METTL2A: variants seen among roughly 807,000 people sequenced by gnomAD.
The protein encoded by METTL2A is methyltransferase 2A, tRNA N3-cytidine, also known as tRNA N(3)-cytidine methyltransferase METTL2A.
Under a neutral mutation model 49.4 loss-of-function variants are expected in METTL2A, and 45 were observed. The ratio of observed to expected loss-of-function variants is 0.91; its 90% CI spans 0.72 to 1.17. The LOEUF is 1.17. METTL2A is among the 50% of genes most tolerant of loss of function. The pLI is 0.00. For missense variants in METTL2A, 361 were observed against 462.2 expected, an observed-to-expected ratio of 0.78 and a Z score of 2.01; for synonymous variants, 118 against 167.5, an observed-to-expected ratio of 0.70 and a Z score of 2.28.
chr17:62,425,650 G>A (rs941835743), intron 2 of METTL2A, among the ~76,000 whole-genome samples: 5 of 147,596 alleles, frequency 3.4e-5, no homozygotes, highest in African/African-American at 1.2e-4. Context: ...CTCCCAAAGT[G>A]CTGGGATTAC....
At position 62,440,774 on chromosome 17, in the gene METTL2A, G is replaced by C. The variant is rs769299234; in HGVS notation, c.809+18G>C. 5 of 1,477,262 alleles carry C rather than the reference G, an allele frequency of 3.4e-6. No homozygotes were observed. The East Asian group carries it at 9.1e-5, about 27-fold the overall frequency. The allele number at this position is 1,477,262 out of a possible 1,614,324, so 91.5% of individuals were successfully genotyped here. A position where few individuals can be genotyped will look rare whatever the true frequency, so the allele number is the denominator to read the frequency against. ...CCAGACAAGTAAGTTTGGGTCCCTT[G>C]GCTGGTAGTGTCACAAAAAGGAAGC... On this transcript the variant is annotated intron_variant, in intron 6 of 8. Transcript: ENST00000311506.
chr17:62,433,380 C>T (rs1341579543), intron 4 of METTL2A, among the ~76,000 whole-genome samples: 3 of 151,602 alleles, frequency 2.0e-5, no homozygotes, highest in Admixed American at 6.6e-5. Flanking sequence ...TTGCAGTGAG[C>T]TGAGACCACA....
At chr17:62,433,985 C>T (rs1375876870) in intron 4 of METTL2A, among the ~76,000 whole-genome samples, 1 of 152,074 alleles carries the variant, frequency 6.6e-6, no homozygotes, top group African/African-American at 2.4e-5. Flanking sequence ...TCACTTGAAC[C>T]CAGGAGGCAA....
At chr17:62,430,700 A>C (rs561647780) in intron 4 of METTL2A, among the ~76,000 whole-genome samples, 40 of 152,096 alleles carry the variant, frequency 2.6e-4, no homozygotes, top group African/African-American at 9.4e-4. Flanking sequence ...GTCTTTTTTG[A>C]GACAGTCTCA....
chr17:62,442,819 C>A (rs1460909907), intron 6 of METTL2A, among the ~76,000 whole-genome samples: 1 of 152,130 alleles, frequency 6.6e-6, no homozygotes, highest in Admixed American at 6.6e-5. Context: ...TGTTAAAGGT[C>A]AAGGTAAGCT....
rs1484640403 is a variant in METTL2A, at chr17:62,449,171, T to C, written c.*442T>C. 1.2e-5 allele frequency: 3 copies of C among 248,918 alleles called. No individual in the cohort carries two copies. The highest frequency in any genetic ancestry group is 5.3e-5 in the Admixed American group (1 of 18,976). The allele number at this position is 248,918 out of a possible 1,614,324, so 15.4% of individuals were successfully genotyped here. On this transcript the variant is annotated 3_prime_UTR_variant, in exon 9 of 9. Coordinates refer to ENST00000311506, the MANE Select transcript of METTL2A (RefSeq NM_181725.4). ...ACCTTAAACCACCAATTTATTTCCATGTGAAAAAGTGTTACATATGACAAG... is the reference window on the plus strand; with the variant it reads ...ACCTTAAACCACCAATTTATTTCCACGTGAAAAAGTGTTACATATGACAAG...
At position 62,451,589 on chromosome 17, in the gene METTL2A, C is replaced by T. The variant is rs949619742; in HGVS notation, c.*2860C>T. On this transcript the variant is annotated 3_prime_UTR_variant, in exon 9 of 9. Coordinates refer to ENST00000311506, the MANE Select transcript of METTL2A (RefSeq NM_181725.4). ...ACCAGCCTGGCCAACTTAATGAAAC[C>T]CCATCACTGCTAACAATACAGACCT... Among the ~76,000 whole-genome samples, 4 of 151,572 alleles carry T rather than the reference C, an allele frequency of 2.6e-5. No individual in the cohort carries two copies. The highest frequency in any genetic ancestry group is 4.8e-5 in the African/African-American group (2 of 41,310).
At chr17:62,432,518 C>T (rs895855221) in intron 4 of METTL2A, among the ~76,000 whole-genome samples, 5 of 151,830 alleles carry the variant, frequency 3.3e-5, no homozygotes, top group Non-Finnish European at 5.9e-5. Context: ...AAAAATTAGC[C>T]GCCAGGCGCT....
At chr17:62,436,902 G>A (rs975275760) in intron 5 of METTL2A, among the ~76,000 whole-genome samples, 8 of 152,096 alleles carry the variant, frequency 5.3e-5, no homozygotes, top group Admixed American at 4.6e-4. Flanking sequence ...TATCAACTAA[G>A]TTTGATGCCA....
chr17:62,430,390 G>T (rs1043451605), intron 4 of METTL2A, among the ~76,000 whole-genome samples: 4 of 152,144 alleles, frequency 2.6e-5, no homozygotes, highest in African/African-American at 7.2e-5. Context: ...TCAATATCTT[G>T]CTAGAACCCA....
At chr17:62,437,455 C>T (rs116707648) in intron 5 of METTL2A, among the ~76,000 whole-genome samples, 5,115 of 152,126 alleles carry the variant, frequency 0.034, 300 homozygotes, top group African/African-American at 0.11. Flanking sequence ...ATTTTGCACG[C>T]GGCCCCAACG....
chr17:62,439,571 C>A (rs907783439), intron 5 of METTL2A, among the ~76,000 whole-genome samples: 8 of 151,542 alleles, frequency 5.3e-5, no homozygotes, highest in Non-Finnish European at 8.8e-5. Context: ...GTAGCTGGGA[C>A]TACAGGCACC....
At chr17:62,439,773 T>C (rs1437739996) in intron 5 of METTL2A, among the ~76,000 whole-genome samples, 4 of 152,122 alleles carry the variant, frequency 2.6e-5, no homozygotes, top group Admixed American at 1.3e-4. Context: ...TGTTTTTTTT[T>C]CCCTGTTGGT....
chr17:62,447,601 T>C, intron 7 of METTL2A, 100 bp from the exon 8 acceptor site: 4 of 1,311,210 alleles, frequency 3.1e-6, no homozygotes, highest in Non-Finnish European at 4.4e-6. Context: ...GCAGGAGTGC[T>C]CTCCACCCAA....
Position 62,447,689 on chromosome 17 carries a change from A to G in METTL2A, c.917-12A>G, listed in dbSNP as rs2144159623. 3.7e-6 allele frequency: 6 copies of G among 1,613,778 alleles called. No individual in the cohort carries two copies. The highest frequency in any genetic ancestry group is 1.6e-4 in the Middle Eastern group (1 of 6,084). Reference sequence around the variant, plus strand: ...TTTAAGTGTCTCTGATTTTTAACACATCACTCTGCAGGTCAGTGTCTATCT... The same window carrying G: ...TTTAAGTGTCTCTGATTTTTAACACGTCACTCTGCAGGTCAGTGTCTATCT... On this transcript the variant is annotated splice_polypyrimidine_tract_variant and intron_variant, in intron 7 of 8. Transcript: ENST00000311506.
chr17:62,440,771 C>T lies in METTL2A; in HGVS notation c.809+15C>T, dbSNP rs747756766. On this transcript the variant is annotated intron_variant, in intron 6 of 8. Transcript: ENST00000311506. Reference sequence around the variant, plus strand: ...GTTCCAGACAAGTAAGTTTGGGTCCCTTGGCTGGTAGTGTCACAAAAAGGA... The same window carrying T: ...GTTCCAGACAAGTAAGTTTGGGTCCTTTGGCTGGTAGTGTCACAAAAAGGA... 1 of 1,606,180 alleles carries T rather than the reference C, an allele frequency of 6.2e-7. No individual in the cohort carries two copies. Among genetic ancestry groups the T allele is most frequent in the South Asian group, 1.1e-5 (1 of 89,388 alleles).
intron 5 of METTL2A, 40 bp downstream of exon 5, chr17:62,435,332 G>A: frequency 6.2e-7 from 1 of 1,612,976 alleles, no homozygotes; most frequent in Non-Finnish European, 8.5e-7. Context: ...AATTTCCACT[G>A]ATTAAAGGGA....
intron 5 of METTL2A, among the ~76,000 whole-genome samples, chr17:62,437,774 C>T (rs1304644920): frequency 6.6e-6 from 1 of 151,714 alleles, no homozygotes; most frequent in Non-Finnish European, 1.5e-5. Context: ...GAGTTCGATA[C>T]CATCCTGACC....
At chr17:62,445,060 A>C (rs1046466530) in intron 7 of METTL2A, 117 bp downstream of exon 7, 50 of 1,137,022 alleles carry the variant, frequency 4.4e-5, no homozygotes, top group Non-Finnish European at 3.2e-5. Context: ...ACCAAACACC[A>C]CTTTTTCTCA....
Sources: allele counts gnomAD v4.1 joint callset (sites outside exome capture counted in the v4.1 genomes callset), GRCh38; gene constraint gnomAD v4.1.1; transcripts MANE v1.5; gene names NCBI Gene and HGNC (gene_info 2026-07-23, HGNC 2026-07-21).